The following CNTNAP2 variants were observed in gnomAD, a reference collection of about 807,000 sequenced individuals.
CNTNAP2 encodes contactin-associated protein-like 2.
In CNTNAP2, 98 loss-of-function variants were observed where a neutral mutation model predicts 155.2. The ratio of observed to expected loss-of-function variants is 0.63; its 90% CI spans 0.54 to 0.75. The LOEUF (loss-of-function observed/expected upper bound fraction) is 0.75, where lower values mean the gene tolerates loss of function less well. Ranked by LOEUF, CNTNAP2 falls within the 30% of genes least tolerant of loss-of-function variation. The pLI is 0.00. For synonymous variants in CNTNAP2, 651 were observed against 631.2 expected, an observed-to-expected ratio of 1.03 and a Z score of -0.47; for missense variants, 1,727 against 1,688.1, an observed-to-expected ratio of 1.02 and a Z score of -0.40.
At chr7:146,210,858 A>G (rs1043792816) in intron 1 of CNTNAP2, among the ~76,000 whole-genome samples, 62 of 150,556 alleles carry the variant, frequency 4.1e-4, no homozygotes, top group African/African-American at 1.3e-3. Flanking sequence ...TTTCGTGGTC[A>G]CATGTGTCTA....
At chr7:147,865,844 C>T (rs1028937053) in intron 13 of CNTNAP2, among the ~76,000 whole-genome samples, 8 of 152,006 alleles carry the variant, frequency 5.3e-5, no homozygotes, top group Non-Finnish European at 1.2e-4. Context: ...AGTGGTCTAT[C>T]AATTTTGTTG....
intron 17 of CNTNAP2, among the ~76,000 whole-genome samples, chr7:148,157,912 A>C (rs1465548467): frequency 6.6e-6 from 1 of 152,192 alleles, no homozygotes; most frequent in East Asian, 1.9e-4. Flanking sequence ...AATGCAAATA[A>C]AATATAGAAG....
intron 1 of CNTNAP2, among the ~76,000 whole-genome samples, chr7:146,373,979 T>C (rs188931365): frequency 6.6e-6 from 1 of 152,294 alleles, no homozygotes. Flanking sequence ...AAAATGTGTG[T>C]GTATGTACTT....
At chr7:147,029,075 C>G (rs1194315254) in intron 3 of CNTNAP2, among the ~76,000 whole-genome samples, 1 of 151,328 alleles carries the variant, frequency 6.6e-6, no homozygotes, top group South Asian at 2.1e-4. Flanking sequence ...GCCATTCTCC[C>G]GTCTCAGCCT....
intron 1 of CNTNAP2, among the ~76,000 whole-genome samples, chr7:146,641,703 T>C (rs1315659276): frequency 6.6e-6 from 1 of 152,202 alleles, no homozygotes; most frequent in African/African-American, 2.4e-5. Context: ...CTTAAGAGTT[T>C]CATGCAGGTG....
chr7:147,675,272 G>A (rs1055018140), intron 13 of CNTNAP2, among the ~76,000 whole-genome samples: 1 of 151,736 alleles, frequency 6.6e-6, no homozygotes, highest in Non-Finnish European at 1.5e-5. Flanking sequence ...CTTGACTTAG[G>A]GCCCACCCAA....
intron 1 of CNTNAP2, among the ~76,000 whole-genome samples, chr7:146,629,907 T>C (rs1799482612): frequency 6.6e-6 from 1 of 152,134 alleles, no homozygotes; most frequent in African/African-American, 2.4e-5. Context: ...TTAGCCTTCA[T>C]ATTTTAGGAT....
At chr7:147,947,276 G>T (rs1005100025) in intron 14 of CNTNAP2, among the ~76,000 whole-genome samples, 4 of 151,862 alleles carry the variant, frequency 2.6e-5, no homozygotes, top group Admixed American at 2.0e-4. Context: ...CTAGGGAGGA[G>T]GTCTTAAGAC....
chr7:146,628,719 C>T (rs1377028777), intron 1 of CNTNAP2, among the ~76,000 whole-genome samples: 2 of 152,026 alleles, frequency 1.3e-5, no homozygotes, highest in African/African-American at 2.4e-5. Flanking sequence ...TATTTAGAGA[C>T]TGTACTTCGA....
At chr7:146,406,079 C>T (rs765970943) in intron 1 of CNTNAP2, among the ~76,000 whole-genome samples, 1 of 152,120 alleles carries the variant, frequency 6.6e-6, no homozygotes, top group Non-Finnish European at 1.5e-5. Flanking sequence ...CACTAATTGT[C>T]AAAGTGAGGA....
chr7:146,341,579 A>AT (rs1407340723), intron 1 of CNTNAP2, among the ~76,000 whole-genome samples: 2 of 152,180 alleles, frequency 1.3e-5, no homozygotes, highest in Admixed American at 1.3e-4. Context: ...TTAATCACAC[A>AT]TAACATAGTA....
At chr7:147,711,051 G>A (rs1796394066) in intron 13 of CNTNAP2, among the ~76,000 whole-genome samples, 1 of 152,148 alleles carries the variant, frequency 6.6e-6, no homozygotes, top group Non-Finnish European at 1.5e-5. Context: ...CACATCCCAG[G>A]ATTAATTAAG....
intron 17 of CNTNAP2, among the ~76,000 whole-genome samples, chr7:148,150,935 A>T (rs962025903): frequency 2.6e-5 from 4 of 151,706 alleles, no homozygotes; most frequent in African/African-American, 9.7e-5. Context: ...GCCCAGGCTG[A>T]TCTCAAACTC....
At position 147,598,154 on chromosome 7, in the gene CNTNAP2, C is replaced by CCTTT. The variant is rs921982443; in HGVS notation, c.1897+35910_1897+35913dup. 7.2e-3 allele frequency among the ~76,000 whole-genome samples: 932 copies of CCTTT among 129,720 alleles called. 10 individuals carry two copies. The highest frequency in any genetic ancestry group is 0.026 in the African/African-American group (893 of 34,726). The allele number at this position is 129,720 out of a possible 152,430, so 85.1% of individuals were successfully genotyped here. On this transcript the variant is annotated intron_variant, in intron 12 of 23. Transcript: ENST00000361727. ...AGTTCGGCATTGCCTGTAATTACAG[C>CCTTT]CTTTCTTTCTTTCTTTTTTTTTTTT...
At chr7:146,906,235 G>A (rs1235577459) in intron 3 of CNTNAP2, among the ~76,000 whole-genome samples, 8 of 152,302 alleles carry the variant, frequency 5.3e-5, no homozygotes, top group African/African-American at 1.4e-4. Context: ...AGGGGCGCCC[G>A]CCATTGCCCA....
chr7:147,174,671 G>A (rs1403137083), intron 8 of CNTNAP2, among the ~76,000 whole-genome samples: 4 of 152,004 alleles, frequency 2.6e-5, no homozygotes, highest in Non-Finnish European at 5.9e-5. Context: ...GGGCCATTTT[G>A]GCAAAATAAG....
intron 8 of CNTNAP2, among the ~76,000 whole-genome samples, chr7:147,200,069 CCCT>C (rs1163850088): frequency 6.6e-6 from 1 of 151,972 alleles, no homozygotes; most frequent in Non-Finnish European, 1.5e-5. Flanking sequence ...CTCCCCCTCC[CCCT>C]CCTCCTTTCT....
At chr7:146,905,773 A>T (rs1796108008) in intron 3 of CNTNAP2, among the ~76,000 whole-genome samples, 1 of 152,180 alleles carries the variant, frequency 6.6e-6, no homozygotes, top group African/African-American at 2.4e-5. Flanking sequence ...AATACAATAA[A>T]ATTTGGTTTA....
chr7:146,789,153 C>G (rs1190755924), intron 2 of CNTNAP2, among the ~76,000 whole-genome samples: 1 of 152,148 alleles, frequency 6.6e-6, no homozygotes, highest in Non-Finnish European at 1.5e-5. Flanking sequence ...TAGATTCTTG[C>G]CTAAGGTCAC....
Sources: allele counts gnomAD v4.1 joint callset (sites outside exome capture counted in the v4.1 genomes callset), GRCh38; gene constraint gnomAD v4.1.1; transcripts MANE v1.5; gene names NCBI Gene and HGNC (gene_info 2026-07-23, HGNC 2026-07-21).